SGMS1: variants seen among roughly 807,000 people sequenced by gnomAD.
SGMS1 encodes the protein phosphatidylcholine:ceramide cholinephosphotransferase 1.
A neutral mutation model predicts 46.2 loss-of-function variants in SGMS1; 13 were observed. The observed-to-expected ratio is 0.28, with a 90% CI of 0.18 to 0.45. SGMS1 has a LOEUF of 0.45. Among genes scored for constraint, SGMS1 ranks in the 20% least tolerant of loss-of-function variants. SGMS1 has a pLI of 1.00. For synonymous variants in SGMS1, 203 were observed against 187.8 expected, an observed-to-expected ratio of 1.08 and a Z score of -0.66; for missense variants, 324 against 519.9, an observed-to-expected ratio of 0.62 and a Z score of 3.66.
intron 2 of SGMS1, among the ~76,000 whole-genome samples, chr10:50,534,107 T>C (rs1337858900): frequency 6.6e-6 from 1 of 151,704 alleles, no homozygotes; most frequent in Admixed American, 6.6e-5. Context: ...AAACTATGCA[T>C]CTATGTATTT....
At chr10:50,608,949 G>A (rs1166889420) in intron 1 of SGMS1, among the ~76,000 whole-genome samples, 2 of 152,138 alleles carry the variant, frequency 1.3e-5, no homozygotes, top group Non-Finnish European at 2.9e-5. Flanking sequence ...ATAATACAAT[G>A]TAAATGCTGG....
rs545907470 is a variant in SGMS1, at chr10:50,595,829, C to G, written c.-683-5582G>C. On this transcript the variant is annotated intron_variant, in intron 1 of 10. Coordinates refer to ENST00000361781, the MANE Select transcript of SGMS1 (RefSeq NM_147156.4). ...CTTTCATGCCCCCATCACAATGAGA[C>G]TGAGGCAGAGTGGGTGCCGATAAGA... is the stretch of plus-strand genomic sequence containing the variant. Among the ~76,000 whole-genome samples, 4 of 152,292 alleles carry G rather than the reference C, an allele frequency of 2.6e-5. No individual in the cohort carries two copies. In the South Asian group the frequency reaches 8.3e-4, roughly 32 times the overall value.
At chr10:50,335,581 C>T (rs1006471732) in intron 7 of SGMS1, 9 of 152,230 alleles carry the variant, frequency 5.9e-5, no homozygotes, top group Non-Finnish European at 1.5e-5. Flanking sequence ...AGTATAACCA[C>T]ATGCTTCACC....
At chr10:50,383,989 A>G (rs2133483634) in intron 6 of SGMS1, among the ~76,000 whole-genome samples, 1 of 152,300 alleles carries the variant, frequency 6.6e-6, no homozygotes, top group South Asian at 2.1e-4. Flanking sequence ...GCCCTTATAA[A>G]GGAGACCCTA....
chr10:50,446,240 C>T (rs971439730), intron 5 of SGMS1, among the ~76,000 whole-genome samples: 1 of 152,170 alleles, frequency 6.6e-6, no homozygotes, highest in Non-Finnish European at 1.5e-5. Flanking sequence ...GACCCACACC[C>T]TATTCATACA....
intron 3 of SGMS1, among the ~76,000 whole-genome samples, chr10:50,478,119 T>C (rs1247788445): frequency 2.6e-5 from 4 of 152,194 alleles, no homozygotes; most frequent in African/African-American, 4.8e-5. Flanking sequence ...TCCAACTGCA[T>C]AGATGTATGT....
chr10:50,623,862 C>G lies in SGMS1; in HGVS notation c.-839G>C. The G allele has an allele frequency of 2.0e-6, 2 of 986,062 alleles. No individual in the cohort carries two copies. The highest frequency in any genetic ancestry group is 2.4e-6 in the Non-Finnish European group (2 of 830,498). The allele number at this position is 986,062 out of a possible 1,614,324, so 61.1% of individuals were successfully genotyped here. On this transcript the variant is annotated 5_prime_UTR_variant, in exon 1 of 11. Transcript: ENST00000361781. The stretch of plus-strand genomic sequence containing the variant: ...GGGAGAGCAGTCAGCCCAGGCCGGT[C>G]CTTCTCACTCCCGACCTGCCCGCCG...
chr10:50,396,795 C>T (rs1848854732), intron 6 of SGMS1, among the ~76,000 whole-genome samples: 2 of 152,242 alleles, frequency 1.3e-5, no homozygotes, highest in South Asian at 2.1e-4. Context: ...TTTTTCACAT[C>T]TTCCTTCCCC....
intron 1 of SGMS1, among the ~76,000 whole-genome samples, chr10:50,616,623 G>A (rs1430255499): frequency 1.3e-5 from 2 of 152,040 alleles, no homozygotes; most frequent in African/African-American, 4.8e-5. Context: ...GCCTACCAGG[G>A]GTGAGTAATT....
upstream of SGMS1, chr10:50,625,090 T>C: frequency 4.0e-6 from 4 of 989,926 alleles, no homozygotes; most frequent in Non-Finnish European, 4.8e-6. Flanking sequence ...CCGCCTCGCC[T>C]TGGGGTATAG....
upstream of SGMS1, chr10:50,624,045 G>C: frequency 1.0e-6 from 1 of 985,432 alleles, no homozygotes; most frequent in Non-Finnish European, 1.2e-6. Context: ...CGGCCGGGGG[G>C]GCGGGCCGGC....
intron 6 of SGMS1, among the ~76,000 whole-genome samples, chr10:50,399,795 G>C (rs528699534): frequency 2.0e-5 from 3 of 152,094 alleles, no homozygotes; most frequent in Admixed American, 6.6e-5. Flanking sequence ...TTGGGAGGCC[G>C]AGGCAGGCGG....
chr10:50,448,015 C>G (rs1436274260), intron 5 of SGMS1, among the ~76,000 whole-genome samples: 1 of 152,152 alleles, frequency 6.6e-6, no homozygotes, highest in Non-Finnish European at 1.5e-5. Context: ...GTAGTGACTC[C>G]CTCAAAATGA....
chr10:50,466,990 G>C (rs1837335873), intron 3 of SGMS1, 58 bp from the exon 4 acceptor site: 1 of 151,250 alleles, frequency 6.6e-6, no homozygotes, highest in South Asian at 2.1e-4. Flanking sequence ...CTGCTTATAA[G>C]AAAAAAAACT....
intron 3 of SGMS1, among the ~76,000 whole-genome samples, chr10:50,474,925 T>C (rs191938763): frequency 2.4e-4 from 36 of 152,334 alleles, no homozygotes; most frequent in African/African-American, 8.4e-4. Flanking sequence ...ATATTCTTAT[T>C]ATTCAGGCTT....
At chr10:50,436,806 GAC>G (rs10607649) in intron 5 of SGMS1, among the ~76,000 whole-genome samples, 79,469 of 151,862 alleles carry the variant, frequency 0.52, 21,253 homozygotes, top group Non-Finnish European at 0.58. Flanking sequence ...GTGGCCATGA[GAC>G]ACAGTTGTTT....
At chr10:50,353,635 G>C (rs940894914) in intron 6 of SGMS1, among the ~76,000 whole-genome samples, 2 of 152,304 alleles carry the variant, frequency 1.3e-5, no homozygotes, top group African/African-American at 2.4e-5. Flanking sequence ...ATTAGGAAAA[G>C]AGGAAGTCAA....
At chr10:50,542,053 T>C (rs909541047) in intron 2 of SGMS1, among the ~76,000 whole-genome samples, 2 of 152,156 alleles carry the variant, frequency 1.3e-5, no homozygotes, top group Non-Finnish European at 2.9e-5. Context: ...TATCTTTTCT[T>C]AAAATCCTCC....
intron 3 of SGMS1, among the ~76,000 whole-genome samples, chr10:50,502,277 C>T (rs1319822353): frequency 4.1e-5 from 6 of 146,506 alleles, no homozygotes; most frequent in African/African-American, 1.3e-4. Flanking sequence ...AGCCTCTCCC[C>T]ACACAAAGAT....
Sources: gnomAD v4.1 joint callset for allele counts (sites outside exome capture counted in the v4.1 genomes callset) on GRCh38, gnomAD v4.1.1 for gene constraint, MANE v1.5 for transcripts, NCBI Gene and HGNC (gene_info 2026-07-23, HGNC 2026-07-21) for gene names.